ADCY2: variants seen among roughly 807,000 people sequenced by gnomAD.
The protein encoded by ADCY2 is adenylate cyclase 2.
Under a neutral mutation model 125.2 loss-of-function variants are expected in ADCY2, and 31 were observed. The ratio of observed to expected loss-of-function variants is 0.25; its 90% confidence interval spans 0.19 to 0.33. ADCY2 has a LOEUF of 0.33. Among genes scored for constraint, ADCY2 ranks in the 10% least tolerant of loss-of-function variants. ADCY2 has a pLI of 1.00. For synonymous variants in ADCY2, 512 were observed against 548.4 expected (o/e 0.93, Z 0.93); for missense variants, 904 against 1,418.2 (o/e 0.64, Z 5.82).
At chr5:7,431,319 G>T (rs143999175) in intron 2 of ADCY2, among the ~76,000 whole-genome samples, 22 of 152,240 alleles carry the variant, frequency 1.4e-4, no homozygotes, top group African/African-American at 5.1e-4. Flanking sequence ...AGTAATAGTT[G>T]CTGAAAGAAA....
intron 2 of ADCY2, among the ~76,000 whole-genome samples, chr5:7,486,993 G>A (rs1235988308): frequency 6.6e-6 from 1 of 152,216 alleles, no homozygotes; most frequent in Non-Finnish European, 1.5e-5. Context: ...CAGACACCAT[G>A]CTAAGGTGGC....
At chr5:7,430,561 C>T (rs1561021472) in intron 2 of ADCY2, among the ~76,000 whole-genome samples, 1 of 146,988 alleles carries the variant, frequency 6.8e-6, no homozygotes, top group Non-Finnish European at 1.5e-5. Flanking sequence ...TATTGATATA[C>T]TATATATATA....
intron 13 of ADCY2, among the ~76,000 whole-genome samples, chr5:7,725,631 A>G (rs1741907647): frequency 6.6e-6 from 1 of 152,216 alleles, no homozygotes; most frequent in South Asian, 2.1e-4. Context: ...CTTATTGCTT[A>G]GCTGCTACAT....
At chr5:7,531,332 C>T (rs537013753) in intron 3 of ADCY2, among the ~76,000 whole-genome samples, 2 of 152,190 alleles carry the variant, frequency 1.3e-5, no homozygotes, top group East Asian at 1.9e-4. Flanking sequence ...AATATGGATC[C>T]GACCATGCTA....
rs187824359 is a variant in ADCY2 at position 7,694,637 on chromosome 5, A to G, written c.870-1115A>G. 6.8e-3 allele frequency among the ~76,000 whole-genome samples: 1,029 copies of G among 152,302 alleles called. 17 individuals carry two copies. The highest frequency in any genetic ancestry group is 0.024 in the African/African-American group (983 of 41,554). On this transcript the variant is annotated intron_variant, in intron 5 of 24. Transcript: ENST00000338316. ...TCTTTTAAAGGCTGCCTGATATTCC[A>G]TTGTATGGATAGACCACATTTTGTT...
At chr5:7,679,539 C>T (rs1207469765) in intron 4 of ADCY2, among the ~76,000 whole-genome samples, 1 of 152,104 alleles carries the variant, frequency 6.6e-6, no homozygotes, top group Non-Finnish European at 1.5e-5. Flanking sequence ...CTCTAGGTGA[C>T]AGAGGTTGCT....
At chr5:7,632,033 A>G (rs944477028) in intron 4 of ADCY2, among the ~76,000 whole-genome samples, 2 of 152,210 alleles carry the variant, frequency 1.3e-5, no homozygotes, top group Admixed American at 6.5e-5. Context: ...GTACCTTTTC[A>G]TAAAGCCAAG....
chr5:7,494,474 T>C (rs1280755551), intron 2 of ADCY2, among the ~76,000 whole-genome samples: 4 of 152,118 alleles, frequency 2.6e-5, no homozygotes, highest in Non-Finnish European at 4.4e-5. Context: ...GCATGGGACA[T>C]TGTGCTTCTT....
chr5:7,465,688 A>G (rs927002675), intron 2 of ADCY2, among the ~76,000 whole-genome samples: 1 of 152,176 alleles, frequency 6.6e-6, no homozygotes, highest in Admixed American at 6.5e-5. Flanking sequence ...AAGTATGTGA[A>G]TGTTAGGATG....
chr5:7,459,772 ATTTTTTTT>A (rs3033085), intron 2 of ADCY2, among the ~76,000 whole-genome samples: 2,784 of 72,620 alleles, frequency 0.038, 21 homozygotes, highest in South Asian at 0.076. Context: ...TTAAGAGGTA[ATTTTTTTT>A]TTTTTTTTTT....
chr5:7,765,892 G>A (rs1743360050), intron 16 of ADCY2, among the ~76,000 whole-genome samples: 2 of 151,988 alleles, frequency 1.3e-5, no homozygotes, highest in Admixed American at 1.3e-4. Flanking sequence ...CTGATCCGTG[G>A]GTATTTAGTC....
At chr5:7,457,238 C>T (rs1336900150) in intron 2 of ADCY2, among the ~76,000 whole-genome samples, 2 of 152,168 alleles carry the variant, frequency 1.3e-5, no homozygotes, top group Non-Finnish European at 2.9e-5. Flanking sequence ...CCTGCCATAT[C>T]AGTTAGCTTT....
intron 2 of ADCY2, among the ~76,000 whole-genome samples, chr5:7,482,799 CACAT>C (rs1284273990): frequency 1.0e-5 from 1 of 96,840 alleles, no homozygotes; most frequent in African/African-American, 3.6e-5. Context: ...TATACACACA[CACAT>C]ACATATATAC....
chr5:7,668,009 C>G (rs1385634453), intron 4 of ADCY2, among the ~76,000 whole-genome samples: 2 of 152,154 alleles, frequency 1.3e-5, no homozygotes, highest in Non-Finnish European at 2.9e-5. Flanking sequence ...TATGATCCCT[C>G]TAGATTTCAA....
chr5:7,705,566 C>T (rs979512387), intron 7 of ADCY2, among the ~76,000 whole-genome samples: 2 of 151,976 alleles, frequency 1.3e-5, no homozygotes, highest in African/African-American at 4.8e-5. Flanking sequence ...GTGGGGACAC[C>T]CCGGTGCTGG....
chr5:7,484,290 C>T (rs963513771), intron 2 of ADCY2, among the ~76,000 whole-genome samples: 5 of 152,046 alleles, frequency 3.3e-5, no homozygotes, highest in African/African-American at 1.2e-4. Flanking sequence ...TATAGTAATA[C>T]CCAATTAGAA....
At chr5:7,826,186 G>T (rs1745471239) in intron 24 of ADCY2, among the ~76,000 whole-genome samples, 1 of 152,112 alleles carries the variant, frequency 6.6e-6, no homozygotes, top group Non-Finnish European at 1.5e-5. Context: ...ACCATTGGCA[G>T]GAGTCTACAG....
At chr5:7,647,494 G>T (rs1738941628) in intron 4 of ADCY2, among the ~76,000 whole-genome samples, 1 of 152,110 alleles carries the variant, frequency 6.6e-6, no homozygotes, top group East Asian at 1.9e-4. Context: ...ATCTCCACCT[G>T]CTTTCCATGA....
chr5:7,710,011 A>G (rs1741391002), intron 10 of ADCY2, among the ~76,000 whole-genome samples: 2 of 152,330 alleles, frequency 1.3e-5, no homozygotes, highest in South Asian at 4.1e-4. Context: ...AGATTTTAAA[A>G]CTATCTGGGG....
Sources: gnomAD v4.1 joint callset for allele counts (sites outside exome capture counted in the v4.1 genomes callset) on GRCh38, gnomAD v4.1.1 for gene constraint, MANE v1.5 for transcripts, NCBI Gene and HGNC (gene_info 2026-07-23, HGNC 2026-07-21) for gene names.